Variants in MDN1 observed in about 807,000 individuals in gnomAD.
The protein encoded by MDN1 is midasin AAA ATPase 1.
A neutral mutation model predicts 669.2 loss-of-function variants in MDN1; 266 were observed. That is an observed-to-expected ratio of 0.40 (90% confidence interval 0.36 to 0.44). MDN1 has a LOEUF of 0.44. Ranked by LOEUF, MDN1 falls within the 20% of genes least tolerant of loss-of-function variation. MDN1 has a pLI of 1.00. For missense variants in MDN1, 5,940 were observed against 6,754.0 expected (o/e 0.88, Z 4.22); for synonymous variants, 2,385 against 2,457.1 (o/e 0.97, Z 0.87).
intron 26 of MDN1, among the ~76,000 whole-genome samples, chr6:89,748,129 A>T (rs1275500118): frequency 2.0e-5 from 3 of 152,088 alleles, no homozygotes; most frequent in Non-Finnish European, 2.9e-5. Flanking sequence ...GATCGAGACC[A>T]TCCTGGTCAA....
chr6:89,764,666 G>A (rs544081674), intron 15 of MDN1, among the ~76,000 whole-genome samples: 2 of 152,284 alleles, frequency 1.3e-5, no homozygotes, highest in Admixed American at 1.3e-4. Flanking sequence ...GGATACCTAA[G>A]TCAAGCAAGG....
chr6:89,816,514 T>C (rs368988272), intron 1 of MDN1, among the ~76,000 whole-genome samples: 2 of 151,572 alleles, frequency 1.3e-5, no homozygotes, highest in East Asian at 3.9e-4. Flanking sequence ...CACTTGAGCC[T>C]AGGAGTTCTA....
intron 9 of MDN1, 49 bp from the exon 10 acceptor site, chr6:89,781,641 T>A (rs1392071209): frequency 8.1e-6 from 12 of 1,477,368 alleles, no homozygotes; most frequent in Non-Finnish European, 1.1e-5. Context: ...CATGGTAATT[T>A]TTGAAAGCAC....
At chr6:89,690,208 G>A (rs1450023634) in intron 64 of MDN1, 65 bp from the exon 65 acceptor site, 26 of 1,500,076 alleles carry the variant, frequency 1.7e-5, no homozygotes, top group Admixed American at 1.4e-4. Flanking sequence ...CAGACTAAAA[G>A]GAAGAAAGAA....
intron 40 of MDN1, among the ~76,000 whole-genome samples, chr6:89,720,349 A>C (rs1814730003): frequency 6.6e-6 from 1 of 151,552 alleles, no homozygotes; most frequent in Non-Finnish European, 1.5e-5. Flanking sequence ...GCAGTGAGCC[A>C]AGATCACGCC....
chr6:89,727,691 A>C, intron 37 of MDN1, 142 bp downstream of exon 37: 1 of 1,362,622 alleles, frequency 7.3e-7, no homozygotes, highest in Non-Finnish European at 1.0e-6. Flanking sequence ...TCTTAAAGAA[A>C]ACTACAGAGG....
At chr6:89,788,027 A>C in intron 7 of MDN1, 70 bp from the exon 8 acceptor site, 1 of 1,301,328 alleles carries the variant, frequency 7.7e-7, no homozygotes, top group Non-Finnish European at 1.1e-6. Context: ...AAACAAAACA[A>C]CCCTCTCTCA....
In MDN1 at chr6:89,758,818, G is replaced by C; in HGVS notation, c.2603C>G (p.Thr868Arg). The C allele has an allele frequency of 6.2e-7, 1 of 1,614,080 alleles. No individual in the cohort carries two copies. ...GSLVLLDRGDTEPLVRHPDFR... is the reference protein window; with the variant it reads ...GSLVLLDRGDREPLVRHPDFR... ...ATCCCAAGGGATTCAAGTGCTACCT[G>C]TGTCTCCTCGATCCAGCAACACCAG... Residue 868 changes from threonine to arginine, a missense_variant and splice_region_variant, in exon 18 of 102, where the codon ACA (threonine) becomes AGA (arginine). Around this residue, in one of 5 missense-constraint regions of MDN1, gnomAD observed 1,203 missense variants for 1,268.9 expected, o/e 0.95. Transcript: ENST00000369393.
chr6:89,680,182 A>C (rs1811506593), intron 74 of MDN1, among the ~76,000 whole-genome samples: 1 of 152,238 alleles, frequency 6.6e-6, no homozygotes, highest in African/African-American at 2.4e-5. Flanking sequence ...CTGAGAAATG[A>C]AACTGCTGTG....
At chr6:89,729,677 GTTTTTTTTTTT>G (rs35914010) in intron 35 of MDN1, among the ~76,000 whole-genome samples, 6 of 100,758 alleles carry the variant, frequency 6.0e-5, no homozygotes, top group East Asian at 3.1e-4. Flanking sequence ...TTTTGTTTTC[GTTTTTTTTTTT>G]TTTTTTTTTT....
intron 68 of MDN1, 21 bp downstream of exon 68, chr6:89,687,323 G>A: frequency 6.2e-7 from 1 of 1,603,704 alleles, no homozygotes; most frequent in Non-Finnish European, 8.5e-7. Flanking sequence ...AAGTTTAGGA[G>A]AGGGAAGGAG....
intron 58 of MDN1, 149 bp from the exon 59 acceptor site, chr6:89,699,184 C>G (rs1300312006): frequency 1.5e-6 from 1 of 679,848 alleles, no homozygotes; most frequent in East Asian, 2.7e-5. Flanking sequence ...CCCCAGTCAA[C>G]TTGGTCAAGG....
intron 22 of MDN1, among the ~76,000 whole-genome samples, chr6:89,753,016 G>A (rs904279802): frequency 2.0e-5 from 3 of 151,880 alleles, no homozygotes; most frequent in Admixed American, 6.6e-5. Flanking sequence ...CCAGCTACTC[G>A]GGAGGCTGAG....
In MDN1 at chr6:89,808,127, A is replaced by G. The variant is rs780055190; in HGVS notation, c.103-4573T>C. ...TTTTCCCGAACATTCATATCATTAT[A>G]TAATCACTTTTTAAAGTCCTTGTTT... On this transcript the variant is annotated intron_variant, in intron 1 of 101. Coordinates refer to ENST00000369393, the MANE Select transcript of MDN1 (RefSeq NM_014611.3). Among the ~76,000 whole-genome samples, 150 of 151,748 alleles carry G rather than the reference A, an allele frequency of 9.9e-4. 2 individuals are homozygous for G. The highest frequency in any genetic ancestry group is 6.8e-3 in the Middle Eastern group (2 of 294).
rs547237013 is a variant in MDN1 at position 89,677,654 on chromosome 6, T to C, written c.12455A>G (p.Asn4152Ser). The C allele has an allele frequency of 1.4e-4, 220 of 1,613,782 alleles. 1 individual carries two copies. In the South Asian group the frequency reaches 2.3e-3, roughly 17 times the overall value. Reference sequence around the variant, plus strand: ...GTGAAGATGAAGCATCTCTTGAGGGTTTTTTGAACGGGCCCAAGCAAGACC... The same window carrying C: ...GTGAAGATGAAGCATCTCTTGAGGGCTTTTTGAACGGGCCCAAGCAAGACC... ...RKGLAWARSK[N>S]PQEMLHLHPL... The change falls in exon 76 of 102, where the codon AAC (asparagine) becomes AGC (serine). Residue 4152 changes from asparagine to serine, a missense_variant. Physicochemically the swap from Asn to Ser is conservative, Grantham distance 46. Transcript: ENST00000369393.
chr6:89,747,510 G>A (rs377358670), intron 26 of MDN1, 40 bp from the exon 27 acceptor site: 9 of 1,588,300 alleles, frequency 5.7e-6, no homozygotes, highest in Non-Finnish European at 7.7e-6. Flanking sequence ...GGCATCAGCT[G>A]CAATGCATGG....
Position 89,762,395 on chromosome 6 carries a change from C to T in MDN1, c.2280G>A (p.Arg760=). 2 of 1,614,156 alleles carry T rather than the reference C, an allele frequency of 1.2e-6. No individual in the cohort carries two copies. Among genetic ancestry groups the T allele is most frequent in the Non-Finnish European group, 1.7e-6 (2 of 1,180,026 alleles). The change falls in exon 16 of 102, where the codon CGG becomes CGA. Residue 760 remains arginine (R), a synonymous_variant. Coordinates refer to ENST00000369393, the MANE Select transcript of MDN1 (RefSeq NM_014611.3). ...GCATTAGTCTCAGGAGATCATGCCA[C>T]CGTTTCTGTCTGTAACAGGTCTGAA... ...GHIQTCYRQK[R]WHDLLRLMQH...
intron 5 of MDN1, among the ~76,000 whole-genome samples, chr6:89,791,911 A>C (rs1819289290): frequency 8.0e-6 from 1 of 124,608 alleles, no homozygotes; most frequent in African/African-American, 3.2e-5. Flanking sequence ...ACAGAGTCTC[A>C]CTCTGGAGTG....
intron 15 of MDN1, among the ~76,000 whole-genome samples, chr6:89,766,976 A>C (rs749216247): frequency 6.6e-6 from 1 of 152,070 alleles, no homozygotes; most frequent in Non-Finnish European, 1.5e-5. Context: ...CCTTCTCAAT[A>C]TATCACTGTT....
Sources: gnomAD v4.1 joint callset for allele counts (sites outside exome capture counted in the v4.1 genomes callset) on GRCh38, gnomAD v4.1.1 for gene constraint, gnomAD v4.1.1 regional missense constraint, MANE v1.5 for transcripts, NCBI Gene and HGNC (gene_info 2026-07-23, HGNC 2026-07-21) for gene names.